The following DAP3 variants were observed in gnomAD, a reference collection of about 807,000 sequenced individuals.
The protein encoded by DAP3 is small ribosomal subunit protein mS29.
Under a neutral mutation model 51.9 loss-of-function variants are expected in DAP3, and 28 were observed. That is an observed-to-expected ratio of 0.54 (90% confidence interval 0.40 to 0.74). The LOEUF (loss-of-function observed/expected upper bound fraction) is 0.74, where lower values mean the gene tolerates loss of function less well. Ranked by LOEUF, DAP3 falls within the 30% of genes least tolerant of loss-of-function variation. The pLI is 0.00. For synonymous variants in DAP3, 170 were observed against 170.3 expected (o/e 1.00, Z 0.01); for missense variants, 458 against 483.5 (o/e 0.95, Z 0.49).
At chr1:155,729,937 G>A (rs1375412430) in intron 9 of DAP3, among the ~76,000 whole-genome samples, 4 of 151,586 alleles carry the variant, frequency 2.6e-5, no homozygotes, top group East Asian at 3.9e-4. Flanking sequence ...AAAATTAGCC[G>A]GGCATGGTGG....
rs1658021470 is a variant in DAP3 at position 155,721,550 on chromosome 1, TACA to T, written c.206_208del (p.Asn69del). On this transcript the variant is annotated inframe_deletion, in exon 4 of 13. Coordinates refer to ENST00000368336, the MANE Select transcript of DAP3 (RefSeq NM_004632.4). Reference sequence around the variant, plus strand: ...TGGGGATCAGCACGAGGGTCAGCACTACAACATCTCCCCCCAGGATTTGGAGAC... The same window carrying T: ...TGGGGATCAGCACGAGGGTCAGCACTACATCTCCCCCCAGGATTTGGAGAC... The T allele has an allele frequency of 3.1e-6, 5 of 1,613,906 alleles. No individual in the cohort carries two copies. In the African/African-American group the frequency reaches 4.0e-5, roughly 13 times the overall value.
Position 155,729,339 on chromosome 1 carries a change from C to T in DAP3, c.816C>T (p.Thr272=). 2 of 1,614,094 alleles carry T rather than the reference C, an allele frequency of 1.2e-6. No homozygotes were observed. The highest frequency in any genetic ancestry group is 1.7e-6 in the Non-Finnish European group (2 of 1,180,002). Residue 272 remains threonine (T), a synonymous_variant, in exon 9 of 13, where the codon ACC becomes ACT. Coordinates refer to ENST00000368336, the MANE Select transcript of DAP3 (RefSeq NM_004632.4). The part of the protein sequence containing the change: ...VDGINALWGR[T]TLKREDKSPI... ...GAATCAATGCTCTTTGGGGAAGAACCACTCTGAAAAGAGAAGATAAAAGCC... is the reference window on the plus strand; with the variant it reads ...GAATCAATGCTCTTTGGGGAAGAACTACTCTGAAAAGAGAAGATAAAAGCC...
chr1:155,721,087 G>C (rs1197245233), intron 3 of DAP3, among the ~76,000 whole-genome samples: 1 of 151,102 alleles, frequency 6.6e-6, no homozygotes, highest in African/African-American at 2.4e-5. Context: ...TGTAATCGCA[G>C]CATTTTGGGA....
At chr1:155,688,150 G>A (rs1259587390), upstream of DAP3, 5 of 1,613,808 alleles carry the variant, frequency 3.1e-6, no homozygotes, top group East Asian at 8.9e-5. Context: ...GCTTCCCTGG[G>A]TCCACCGCGG....
intron 2 of DAP3, among the ~76,000 whole-genome samples, chr1:155,714,697 G>T (rs1007480433): frequency 1.3e-5 from 2 of 152,150 alleles, no homozygotes; most frequent in Non-Finnish European, 2.9e-5. Context: ...AGAGGTTGTA[G>T]TGAGCTGAGA....
Position 155,731,364 on chromosome 1 carries a change from C to T in DAP3, c.852C>T (p.Pro284=), listed in dbSNP as rs770869947. The change falls in exon 10 of 13, where the codon CCC becomes CCT. Residue 284 remains proline (P), a synonymous_variant. Transcript: ENST00000368336. ...TTCTGTCCGATATGCAGATTGCCCCCGAGGAATTAGCACTTGTTCACAACT... is the reference window on the plus strand; with the variant it reads ...TTCTGTCCGATATGCAGATTGCCCCTGAGGAATTAGCACTTGTTCACAACT... ...LKREDKSPIA[P]EELALVHNLR... The T allele has an allele frequency of 2.2e-5, 36 of 1,613,858 alleles. No individual in the cohort carries two copies. The highest frequency in any genetic ancestry group is 1.6e-4 in the South Asian group (15 of 91,064).
chr1:155,736,527 A>C (rs1659815559), intron 11 of DAP3: 1 of 223,030 alleles, frequency 4.5e-6, no homozygotes, highest in South Asian at 6.4e-5. Flanking sequence ...GGTCTCAAGC[A>C]ATCCTCAGCC....
intron 6 of DAP3, among the ~76,000 whole-genome samples, chr1:155,727,228 A>T (rs141336589): frequency 2.6e-5 from 4 of 152,144 alleles, no homozygotes; most frequent in African/African-American, 9.6e-5. Flanking sequence ...ACATTTTCTG[A>T]CTTACCTTTC....
intron 7 of DAP3, among the ~76,000 whole-genome samples, chr1:155,728,730 C>T (rs1448136590): frequency 6.6e-6 from 1 of 152,008 alleles, no homozygotes; most frequent in African/African-American, 2.4e-5. Flanking sequence ...CGTGGTGACA[C>T]ACGCCTGAAA....
chr1:155,726,112 T>A, intron 6 of DAP3, 93 bp downstream of exon 6: 2 of 1,007,488 alleles, frequency 2.0e-6, no homozygotes, highest in Non-Finnish European at 2.8e-6. Flanking sequence ...TCTTTTCTTT[T>A]CTTTTTTTTT....
chr1:155,708,567 A>G, intron 1 of DAP3, among the ~76,000 whole-genome samples: 1 of 126,370 alleles, frequency 7.9e-6, no homozygotes, highest in Non-Finnish European at 1.6e-5. Flanking sequence ...TTTGAGACAG[A>G]GTCTCACTCT....
chr1:155,707,373 A>G (rs2149139465), intron 1 of DAP3, among the ~76,000 whole-genome samples: 1 of 151,816 alleles, frequency 6.6e-6, no homozygotes, highest in East Asian at 1.9e-4. Flanking sequence ...AGATCGCGCC[A>G]CTGCACTCCA....
At chr1:155,719,297 G>A (rs1031371011) in intron 3 of DAP3, among the ~76,000 whole-genome samples, 8 of 149,836 alleles carry the variant, frequency 5.3e-5, no homozygotes, top group East Asian at 3.9e-4. Flanking sequence ...GTGCAATGGC[G>A]CAGTCTCGTC....
In DAP3 at chr1:155,709,794, A is replaced by G. The variant is rs762850317; in HGVS notation, c.15A>G (p.Gly5=). 53 of 1,613,168 alleles carry G rather than the reference A, an allele frequency of 3.3e-5. No individual in the cohort carries two copies. Among genetic ancestry groups the G allele is most frequent in the Middle Eastern group, 3.3e-4 (2 of 6,082 alleles). MMLK[G]ITRLISRIHK... ...ACAGTGCAAGGATGATGCTGAAAGG[A>G]ATAACAAGGCTTATCTCTAGGATCC... The change falls in exon 2 of 13, where the codon GGA becomes GGG. Residue 5 remains glycine (G), a synonymous_variant. Transcript: ENST00000368336.
chr1:155,725,304 TTA>T, intron 4 of DAP3, 76 bp from the exon 5 acceptor site: 1 of 1,301,642 alleles, frequency 7.7e-7, no homozygotes, highest in South Asian at 1.2e-5. Context: ...GGTTGCCACT[TTA>T]GGCAGAGTAT....
chr1:155,688,401 A>G, upstream of DAP3: 3 of 1,542,066 alleles, frequency 1.9e-6, no homozygotes, highest in East Asian at 2.5e-5. Flanking sequence ...GACACCCCCA[A>G]CCTCCCACTC....
chr1:155,738,189 T>C lies in DAP3; in HGVS notation c.1144T>C (p.Phe382Leu), dbSNP rs1431035105. The change falls in exon 13 of 13, where the codon TTC becomes CTC. Residue 382 changes from phenylalanine to leucine, a missense_variant. Transcript: ENST00000368336. The part of the protein sequence containing the change: ...PTEEGKKELL[F>L]LSNANPSLLE... ...AGAAGAAGGGAAAAAAGAGCTGCTG[T>C]TCCTAAGTAACGCGAACCCCTCGCT... is the stretch of plus-strand genomic sequence containing the variant. 1 of 1,614,218 alleles carries C rather than the reference T, an allele frequency of 6.2e-7. No homozygotes were observed. Among genetic ancestry groups the C allele is most frequent in the East Asian group, 2.2e-5 (1 of 44,890 alleles).
chr1:155,713,667 A>C (rs756831750), intron 2 of DAP3, among the ~76,000 whole-genome samples: 1 of 152,190 alleles, frequency 6.6e-6, no homozygotes, highest in Non-Finnish European at 1.5e-5. Context: ...AACATGATAC[A>C]GTTTTTTTAA....
chr1:155,717,419 C>G (rs1157835004), intron 3 of DAP3, among the ~76,000 whole-genome samples: 2 of 152,178 alleles, frequency 1.3e-5, no homozygotes, highest in Non-Finnish European at 2.9e-5. Context: ...TCAATACTTA[C>G]TAAGTTTAAT....
Sources: allele counts gnomAD v4.1 joint callset (sites outside exome capture counted in the v4.1 genomes callset), GRCh38; gene constraint gnomAD v4.1.1; transcripts MANE v1.5; gene names NCBI Gene and HGNC (gene_info 2026-07-23, HGNC 2026-07-21).